SPOCK1: variants seen among roughly 807,000 people sequenced by gnomAD.
SPOCK1 encodes the protein testican-1.
SPOCK1 carries 23 observed loss-of-function variants against 55.3 expected under a neutral mutation model. That is an observed-to-expected ratio of 0.42 (90% CI 0.30 to 0.59). The LOEUF (loss-of-function observed/expected upper bound fraction) is 0.59. Among genes scored for constraint, SPOCK1 ranks in the 20% least tolerant of loss-of-function variants. The pLI, the probability that SPOCK1 is intolerant of heterozygous loss-of-function variation, is 0.22. For missense variants in SPOCK1, 499 were observed against 552.5 expected, an observed-to-expected ratio of 0.90 and a Z score of 0.97; for synonymous variants, 226 against 221.0, an observed-to-expected ratio of 1.02 and a Z score of -0.20.
intron 6 of SPOCK1, among the ~76,000 whole-genome samples, chr5:137,006,385 C>A (rs1269297428): frequency 1.3e-5 from 2 of 152,144 alleles, no homozygotes; most frequent in African/African-American, 4.8e-5. Flanking sequence ...TTTCCTTGAG[C>A]AGTGGTTTAT....
intron 2 of SPOCK1, among the ~76,000 whole-genome samples, chr5:137,309,664 G>T (rs1233617035): frequency 3.3e-5 from 5 of 152,100 alleles, no homozygotes; most frequent in African/African-American, 1.2e-4. Flanking sequence ...TCAAAAATGA[G>T]CCCAAATCCT....
chr5:137,321,440 G>A (rs1454510662), intron 2 of SPOCK1, among the ~76,000 whole-genome samples: 3 of 152,062 alleles, frequency 2.0e-5, no homozygotes, highest in Non-Finnish European at 4.4e-5. Context: ...GCTGTCAAAG[G>A]TTAGACAAAG....
At chr5:137,273,031 G>A (rs17171270) in intron 2 of SPOCK1, among the ~76,000 whole-genome samples, 7,521 of 152,138 alleles carry the variant, frequency 0.049, 288 homozygotes, top group East Asian at 0.11. Flanking sequence ...CTGACATTTG[G>A]TTTAAAGTCC....
intron 5 of SPOCK1, among the ~76,000 whole-genome samples, chr5:137,111,219 T>C (rs1561613013): frequency 6.6e-6 from 1 of 151,922 alleles, no homozygotes; most frequent in Non-Finnish European, 1.5e-5. Flanking sequence ...AGTGGCCAAT[T>C]GTCTGTGCAG....
chr5:137,452,824 C>G (rs1215946881), intron 2 of SPOCK1, among the ~76,000 whole-genome samples: 1 of 152,124 alleles, frequency 6.6e-6, no homozygotes, highest in Non-Finnish European at 1.5e-5. Flanking sequence ...CTATGAGGGC[C>G]CAGATGTAAA....
chr5:137,222,602 C>G (rs1180113338), intron 3 of SPOCK1, among the ~76,000 whole-genome samples: 1 of 152,074 alleles, frequency 6.6e-6, no homozygotes, highest in Admixed American at 6.6e-5. Flanking sequence ...TTGGCCTCTA[C>G]TGAAAAAGAA....
chr5:136,982,789 G>A (rs1408665032), intron 9 of SPOCK1, among the ~76,000 whole-genome samples: 3 of 152,018 alleles, frequency 2.0e-5, no homozygotes, highest in African/African-American at 7.2e-5. Flanking sequence ...CATTTGTTTG[G>A]TAGAATAAAT....
chr5:137,253,960 A>T (rs1756588388), intron 3 of SPOCK1, among the ~76,000 whole-genome samples: 1 of 152,170 alleles, frequency 6.6e-6, no homozygotes, highest in South Asian at 2.1e-4. Flanking sequence ...AGCATTCGAA[A>T]CCATTTCTGG....
chr5:137,291,263 C>G (rs1241581506), intron 2 of SPOCK1, among the ~76,000 whole-genome samples: 1 of 152,208 alleles, frequency 6.6e-6, no homozygotes, highest in African/African-American at 2.4e-5. Context: ...AACCACATGA[C>G]AGGCAACAGG....
chr5:137,222,349 G>A (rs538505161), intron 3 of SPOCK1, among the ~76,000 whole-genome samples: 1 of 152,214 alleles, frequency 6.6e-6, no homozygotes, highest in Non-Finnish European at 1.5e-5. Flanking sequence ...TTCAGTATCA[G>A]AGCTTAAGTG....
intron 2 of SPOCK1, among the ~76,000 whole-genome samples, chr5:137,406,286 G>A (rs1434260948): frequency 6.6e-6 from 1 of 152,206 alleles, no homozygotes; most frequent in Non-Finnish European, 1.5e-5. Flanking sequence ...AGGTGCCAAA[G>A]TCATCGGAAG....
chr5:137,282,741 T>C (rs2127126104), intron 2 of SPOCK1, among the ~76,000 whole-genome samples: 1 of 152,330 alleles, frequency 6.6e-6, no homozygotes, highest in East Asian at 1.9e-4. Flanking sequence ...ATGAAGAGAC[T>C]TGGCCTCCTC....
chr5:137,003,040 G>GA (rs956410435), intron 6 of SPOCK1, among the ~76,000 whole-genome samples: 3 of 152,150 alleles, frequency 2.0e-5, no homozygotes, highest in African/African-American at 7.2e-5. Context: ...AGCCCACTTT[G>GA]AATAAAGTGA....
At chr5:137,400,031 C>A (rs1006906766) in intron 2 of SPOCK1, among the ~76,000 whole-genome samples, 3 of 152,200 alleles carry the variant, frequency 2.0e-5, no homozygotes, top group Non-Finnish European at 4.4e-5. Context: ...TCAAAGTTTT[C>A]TACCCTAAAG....
chr5:137,063,253 A>T (rs958447589), intron 6 of SPOCK1, among the ~76,000 whole-genome samples: 1 of 151,600 alleles, frequency 6.6e-6, no homozygotes, highest in East Asian at 1.9e-4. Context: ...AAAAAAAAAA[A>T]AAAAGAAAGA....
At chr5:137,236,543 G>A (rs551884343) in intron 3 of SPOCK1, among the ~76,000 whole-genome samples, 34 of 152,292 alleles carry the variant, frequency 2.2e-4, no homozygotes, top group African/African-American at 6.5e-4. Flanking sequence ...AATGTTAGAG[G>A]CAGGCTGTGC....
At chr5:137,020,768 T>C (rs1031807968) in intron 6 of SPOCK1, among the ~76,000 whole-genome samples, 2 of 151,876 alleles carry the variant, frequency 1.3e-5, no homozygotes, top group Admixed American at 6.6e-5. Context: ...AACAGGAACT[T>C]AATAAATGAG....
intron 2 of SPOCK1, among the ~76,000 whole-genome samples, chr5:137,486,474 C>G (rs1205869420): frequency 6.6e-6 from 1 of 152,194 alleles, no homozygotes; most frequent in Non-Finnish European, 1.5e-5. Flanking sequence ...AAATAGAAAG[C>G]CTGCAGCCTG....
intron 2 of SPOCK1, among the ~76,000 whole-genome samples, chr5:137,401,693 A>C (rs1751984882): frequency 6.6e-6 from 1 of 152,152 alleles, no homozygotes; most frequent in Non-Finnish European, 1.5e-5. Context: ...TACAGTGAGC[A>C]TGATCTCACC....
Sources: allele counts gnomAD v4.1 joint callset (sites outside exome capture counted in the v4.1 genomes callset), GRCh38; gene constraint gnomAD v4.1.1; transcripts MANE v1.5; gene names NCBI Gene and HGNC (gene_info 2026-07-23, HGNC 2026-07-21).